The following FCN2 variants were observed in gnomAD, a reference collection of about 807,000 sequenced individuals.
FCN2 encodes the protein ficolin 2.
In FCN2, 31 loss-of-function variants were observed where a neutral mutation model predicts 32.5. The ratio of observed to expected loss-of-function variants is 0.96; its 90% CI spans 0.72 to 1.29. The LOEUF is 1.29. FCN2 is among the 50% of genes most tolerant of loss of function. FCN2 has a pLI of 0.00. For synonymous variants in FCN2, 181 were observed against 164.5 expected, an observed-to-expected ratio of 1.10 and a Z score of -0.77; for missense variants, 412 against 406.5, an observed-to-expected ratio of 1.01 and a Z score of -0.12.
intron 5 of FCN2, 119 bp from the exon 6 acceptor site, chr9:134,885,649 G>A: frequency 7.1e-7 from 1 of 1,401,010 alleles, no homozygotes; most frequent in Non-Finnish European, 9.9e-7. Context: ...TGGGCGTGCT[G>A]GTGACCCCGC....
upstream of FCN2, among the ~76,000 whole-genome samples, chr9:134,880,252 A>C (rs3811141): frequency 6.6e-6 from 1 of 152,264 alleles, no homozygotes; most frequent in East Asian, 1.9e-4. Flanking sequence ...CTGCCCCAGG[A>C]AACAGTGGAC....
intron 3 of FCN2, 120 bp downstream of exon 3, chr9:134,883,475 A>C: frequency 1.1e-6 from 1 of 895,508 alleles, no homozygotes; most frequent in Non-Finnish European, 1.8e-6. Context: ...ACGCCTGCCC[A>C]GGCAGGGCTC....
intron 2 of FCN2, 69 bp downstream of exon 2, chr9:134,882,708 A>G (rs577655481): frequency 4.5e-5 from 49 of 1,079,062 alleles, no homozygotes; most frequent in Non-Finnish European, 6.8e-5. Flanking sequence ...GTTGGGCAAC[A>G]CCCCCACCAT....
At chr9:134,864,710 G>A in the FCN2 span, among the ~76,000 whole-genome samples, 10 of 152,146 alleles carry the variant, frequency 6.6e-5, no homozygotes, top group Non-Finnish European at 1.0e-4. Context: ...ATCACACTCC[G>A]GGAAGCTGAC....
the FCN2 span, among the ~76,000 whole-genome samples, chr9:134,868,896 G>A: frequency 2.0e-5 from 3 of 152,308 alleles, no homozygotes; most frequent in South Asian, 2.1e-4. The surrounding 1 kb of genome is among the most constrained non-coding windows in gnomAD (Gnocchi z 4.3). Flanking sequence ...CAGGGCCACC[G>A]TGCCTGTTTG....
chr9:134,864,646 C>G, the FCN2 span, among the ~76,000 whole-genome samples: 1 of 152,190 alleles, frequency 6.6e-6, no homozygotes, highest in Non-Finnish European at 1.5e-5. Flanking sequence ...ATGGCCTTGA[C>G]TGAAGACACC....
upstream of FCN2, among the ~76,000 whole-genome samples, chr9:134,878,479 C>T (rs1005952998): frequency 6.6e-5 from 10 of 152,300 alleles, no homozygotes; most frequent in Middle Eastern, 3.4e-3. Context: ...TTTGAGTTCA[C>T]CAAAGACTTT....
intron 2 of FCN2, among the ~76,000 whole-genome samples, chr9:134,882,898 G>A (rs557662263): frequency 4.8e-4 from 73 of 151,812 alleles, no homozygotes; most frequent in Non-Finnish European, 8.8e-4. Context: ...AGCTTTGCTC[G>A]GCCGCTGGCA....
At chr9:134,886,837 A>G (rs141589676) in intron 7 of FCN2, among the ~76,000 whole-genome samples, 1 of 152,274 alleles carries the variant, frequency 6.6e-6, no homozygotes, top group African/African-American at 2.4e-5. Context: ...ACAGCAGCTG[A>G]TATCTCTGCG....
intron 1 of FCN2, 32 bp downstream of exon 1, chr9:134,880,953 C>A (rs1425598401): frequency 6.7e-7 from 1 of 1,500,842 alleles, no homozygotes; most frequent in Non-Finnish European, 9.2e-7. Context: ...CTCCTGGAAA[C>A]TTCTCGTCCC....
At chr9:134,881,401 C>T (rs1830661848) in intron 1 of FCN2, among the ~76,000 whole-genome samples, 1 of 152,166 alleles carries the variant, frequency 6.6e-6, no homozygotes, top group Non-Finnish European at 1.5e-5. Flanking sequence ...CTGGAGATGG[C>T]AGTTCCCATG....
upstream of FCN2, among the ~76,000 whole-genome samples, chr9:134,877,169 T>C (rs1830611352): frequency 6.6e-6 from 1 of 152,242 alleles, no homozygotes; most frequent in Non-Finnish European, 1.5e-5. Flanking sequence ...ATTCATTCTC[T>C]TTTTTCTACT....
chr9:134,866,207 C>CT, the FCN2 span, among the ~76,000 whole-genome samples: 6 of 148,186 alleles, frequency 4.0e-5, no homozygotes, highest in African/African-American at 2.5e-5. Flanking sequence ...AAGAACAAAG[C>CT]TGGAGGCATC....
chr9:134,871,634 T>C, the FCN2 span, among the ~76,000 whole-genome samples: 3 of 152,130 alleles, frequency 2.0e-5, no homozygotes, highest in Non-Finnish European at 4.4e-5. Context: ...GCCGAGCTCC[T>C]TCTAGGACCC....
chr9:134,884,816 C>A, intron 4 of FCN2, 44 bp downstream of exon 4: 1 of 1,598,278 alleles, frequency 6.3e-7, no homozygotes. Flanking sequence ...TGTGGCTGCC[C>A]TTGGCTGGAA....
At chr9:134,869,908 A>G in the FCN2 span, among the ~76,000 whole-genome samples, 1 of 151,300 alleles carries the variant, frequency 6.6e-6, no homozygotes, top group African/African-American at 2.4e-5. Context: ...AAGCACCCAT[A>G]GCCAGCATAA....
chr9:134,880,934 C>T lies in FCN2; in HGVS notation c.100+13C>T, dbSNP rs1830654297. The T allele has an allele frequency of 6.3e-7, 1 of 1,596,136 alleles. No homozygotes were observed. The highest frequency in any genetic ancestry group is 1.3e-5 in the African/African-American group (1 of 74,604). On this transcript the variant is annotated intron_variant, in intron 1 of 7. Transcript: ENST00000291744. The stretch of plus-strand genomic sequence containing the variant: ...GACACCTGTCCAGGTAAGGGCACTC[C>T]AGGGCCTCCTCCTGGAAACTTCTCG...
chr9:134,869,030 A>T, the FCN2 span, among the ~76,000 whole-genome samples: 1 of 152,128 alleles, frequency 6.6e-6, no homozygotes, highest in Non-Finnish European at 1.5e-5. Context: ...AGACCGTATG[A>T]CTCGCAACTC....
the FCN2 span, among the ~76,000 whole-genome samples, chr9:134,869,184 T>C: frequency 0.59 from 90,398 of 152,152 alleles, 29,267 homozygotes; most frequent in African/African-American, 0.84. Context: ...CTAGGGTCCC[T>C]TGGGACTCAT....
Sources: allele counts gnomAD v4.1 joint callset (sites outside exome capture counted in the v4.1 genomes callset), GRCh38; gene constraint gnomAD v4.1.1; non-coding constraint Gnocchi (gnomAD v3.1); transcripts MANE v1.5; gene names NCBI Gene and HGNC (gene_info 2026-07-23, HGNC 2026-07-21).